Variants in CRY1 observed in about 807,000 individuals in gnomAD.
CRY1 encodes cryptochrome circadian regulator 1, also known as cryptochrome-1.
In CRY1, 45 loss-of-function variants were observed where a neutral mutation model predicts 76.0. The observed-to-expected ratio is 0.59, with a 90% CI of 0.47 to 0.76. The LOEUF (loss-of-function observed/expected upper bound fraction) is 0.76. Ranked by LOEUF, CRY1 falls within the 30% of genes least tolerant of loss-of-function variation. CRY1 has a pLI of 0.00. For synonymous variants in CRY1, 248 were observed against 244.0 expected (o/e 1.02, Z -0.15); for missense variants, 587 against 716.4 (o/e 0.82, Z 2.06).
intron 2 of CRY1, 76 bp downstream of exon 2, chr12:107,022,008 G>T: frequency 3.6e-6 from 4 of 1,116,800 alleles, no homozygotes; most frequent in Non-Finnish European, 3.9e-6. Flanking sequence ...TTTTCAATTA[G>T]TCAAAAAACT....
At chr12:106,998,659 A>AACACACACACACAC (rs10522970) in intron 7 of CRY1, among the ~76,000 whole-genome samples, 7,709 of 143,326 alleles carry the variant, frequency 0.054, 356 homozygotes, top group African/African-American at 0.12. Context: ...TAAGAGATTA[A>AACACACACACACAC]ACACACACAC....
rs779386932 is a variant in CRY1 at position 106,997,493 on chromosome 12, C to T, written c.1487G>A (p.Gly496Glu). ...QIYQQLSRYR[G>E]LGLLASVPSN... ...AAAGACAGTTCTTAACATACCTAGT[C>T]CTCTATATCGTGAAAGCTGCTGATA... Residue 496 changes from glycine (G) to glutamate (E), a missense_variant, in exon 9 of 13, where the codon GGA becomes GAA. Physicochemically the swap from Gly to Glu is moderately conservative, Grantham distance 98. Transcript: ENST00000008527. 5 of 1,613,712 alleles carry T rather than the reference C, an allele frequency of 3.1e-6. No individual in the cohort carries two copies. The highest frequency in any genetic ancestry group is 8.5e-7 in the Non-Finnish European group (1 of 1,179,966).
chr12:107,004,695 G>T (rs1340085924), intron 3 of CRY1, among the ~76,000 whole-genome samples: 1 of 152,068 alleles, frequency 6.6e-6, no homozygotes, highest in Non-Finnish European at 1.5e-5. Context: ...AGATATACAT[G>T]AAATAAGATA....
chr12:107,092,759 A>C (rs754025271), intron 1 of CRY1, 45 bp downstream of exon 1: 1 of 1,605,868 alleles, frequency 6.2e-7, no homozygotes, highest in Non-Finnish European at 8.5e-7. Flanking sequence ...TTAACATCAG[A>C]CTCATTAAAC....
Position 106,998,762 on chromosome 12 carries a change from G to A in CRY1, c.1138-696C>T, listed in dbSNP as rs568181295. ...AGAAAGGTAAAAAATGTACGTAATG[G>A]CCGGGCACGGTGGCTCATGCGTGTA... On this transcript the variant is annotated intron_variant, in intron 7 of 12. Coordinates refer to ENST00000008527, the MANE Select transcript of CRY1 (RefSeq NM_004075.5). 4.0e-5 allele frequency among the ~76,000 whole-genome samples: 6 copies of A among 151,696 alleles called. No individual in the cohort carries two copies. The South Asian group carries it at 1.2e-3, about 32-fold the overall frequency.
chr12:107,013,522 T>C (rs1952466899), intron 2 of CRY1, among the ~76,000 whole-genome samples: 1 of 152,270 alleles, frequency 6.6e-6, no homozygotes, highest in Admixed American at 6.5e-5. Flanking sequence ...GTTTGCTTTA[T>C]TGCAATATTT....
chr12:107,049,006 C>T (rs952311682), intron 1 of CRY1, among the ~76,000 whole-genome samples: 2 of 152,182 alleles, frequency 1.3e-5, no homozygotes, highest in African/African-American at 4.8e-5. Context: ...AGAACCTTAA[C>T]ATTTACTTGT....
intron 2 of CRY1, among the ~76,000 whole-genome samples, chr12:107,013,126 A>G (rs948790971): frequency 6.6e-6 from 1 of 152,250 alleles, no homozygotes; most frequent in Non-Finnish European, 1.5e-5. Context: ...CAATTTTTAA[A>G]GTTGTACTGT....
chr12:107,088,085 G>A (rs758095544), intron 1 of CRY1, among the ~76,000 whole-genome samples: 6 of 152,010 alleles, frequency 3.9e-5, no homozygotes, highest in Non-Finnish European at 8.8e-5. Flanking sequence ...GATATTTGGG[G>A]GGCTAGAAGT....
intron 2 of CRY1, among the ~76,000 whole-genome samples, chr12:107,017,821 CAT>C (rs1221692270): frequency 6.6e-6 from 1 of 152,202 alleles, no homozygotes; most frequent in Non-Finnish European, 1.5e-5. Flanking sequence ...GCTCACTCTT[CAT>C]ATGCTTGCTC....
chr12:107,079,569 TCTC>T (rs1953297561), intron 1 of CRY1, among the ~76,000 whole-genome samples: 1 of 152,154 alleles, frequency 6.6e-6, no homozygotes, highest in Middle Eastern at 3.4e-3. Context: ...CTAAACAACA[TCTC>T]CTATCTTTTC....
intron 1 of CRY1, among the ~76,000 whole-genome samples, chr12:107,087,962 C>A (rs779102613): frequency 2.6e-5 from 4 of 152,044 alleles, no homozygotes; most frequent in Admixed American, 6.6e-5. Context: ...CTGCTTGAGC[C>A]CAGGTGGTTG....
In CRY1 at chr12:107,005,337, A is replaced by G. The variant is rs1870605765; in HGVS notation, c.268-89T>C. ...AAAAGTGAAAAAGCTGAAAATCTAC[A>G]TATCAAAGGATTATACATAAATCAA... On this transcript the variant is annotated intron_variant, in intron 2 of 12. Transcript: ENST00000008527. 16 of 1,339,370 alleles carry G rather than the reference A, an allele frequency of 1.2e-5. No individual in the cohort carries two copies. In the South Asian group the frequency reaches 1.8e-4, roughly 15 times the overall value. 83.0% of individuals were successfully genotyped at this position (1,339,370 alleles called of 1,614,324 possible).
At chr12:107,068,140 A>C (rs1212156944) in intron 1 of CRY1, among the ~76,000 whole-genome samples, 1 of 152,176 alleles carries the variant, frequency 6.6e-6, no homozygotes, top group African/African-American at 2.4e-5. Context: ...ATGCTACAAT[A>C]GGAGAGGTGG....
chr12:107,061,362 A>G (rs992889505), intron 1 of CRY1, among the ~76,000 whole-genome samples: 2 of 151,636 alleles, frequency 1.3e-5, no homozygotes, highest in Non-Finnish European at 2.9e-5. Context: ...TAATAAACTG[A>G]TTCCTAATAC....
chr12:107,009,577 T>TATATATATATATATAA (rs1952419164), intron 2 of CRY1, among the ~76,000 whole-genome samples: 1 of 30,666 alleles, frequency 3.3e-5, no homozygotes, highest in African/African-American at 1.7e-4. Flanking sequence ...TATATATATA[T>TATATATATATATATAA]ATATATATAT....
intron 10 of CRY1, among the ~76,000 whole-genome samples, chr12:106,996,200 C>T (rs1015849022): frequency 4.6e-5 from 7 of 152,196 alleles, no homozygotes; most frequent in African/African-American, 1.7e-4. Flanking sequence ...TCTACTTCCA[C>T]TTACAAGCAA....
rs1254142543 is a variant in CRY1 at position 107,001,271 on chromosome 12, T to C, written c.684+9A>G. 1.2e-6 allele frequency: 2 copies of C among 1,601,818 alleles called. No individual in the cohort carries two copies. The highest frequency in any genetic ancestry group is 4.5e-5 in the East Asian group (2 of 44,780). On this transcript the variant is annotated intron_variant, in intron 5 of 12. Transcript: ENST00000008527. ...TACAAGCATAGCTATATAATCTACA[T>C]TATCATACTTTTCTTTCCAAATGCC...
chr12:107,009,611 A>G (rs1475140981), intron 2 of CRY1, among the ~76,000 whole-genome samples: 5 of 123,138 alleles, frequency 4.1e-5, no homozygotes, highest in Admixed American at 2.4e-4. Flanking sequence ...TAAAATCTCT[A>G]TATCTCCAGG....
Sources: gnomAD v4.1 joint callset for allele counts (sites outside exome capture counted in the v4.1 genomes callset) on GRCh38, gnomAD v4.1.1 for gene constraint, MANE v1.5 for transcripts, NCBI Gene and HGNC (gene_info 2026-07-23, HGNC 2026-07-21) for gene names.